Variants in NUDT3 observed in about 807,000 individuals in gnomAD.
The protein encoded by NUDT3 is diphosphoinositol polyphosphate phosphohydrolase 1.
NUDT3 carries 9 observed loss-of-function variants against 23.6 expected under a neutral mutation model. The observed-to-expected ratio is 0.38, with a 90% CI of 0.23 to 0.66. The LOEUF is 0.66. Among genes scored for constraint, NUDT3 ranks in the 30% least tolerant of loss-of-function variants. The pLI is 0.52. For synonymous variants in NUDT3, 86 were observed against 82.6 expected (o/e 1.04, Z -0.22); for missense variants, 172 against 218.5 (o/e 0.79, Z 1.34).
At chr6:34,336,090 G>A in intron 2 of NUDT3, among the ~76,000 whole-genome samples, 1 of 152,150 alleles carries the variant, frequency 6.6e-6, no homozygotes, top group Admixed American at 6.5e-5. Context: ...CCAACATGAT[G>A]AAACCCCGTC....
At chr6:34,288,962 C>A in intron 4 of NUDT3, 31 bp from the exon 5 acceptor site, 1 of 1,568,132 alleles carries the variant, frequency 6.4e-7, no homozygotes, top group Non-Finnish European at 8.6e-7. Flanking sequence ...GAAACTAGTA[C>A]AAGAGTAATA....
intron 2 of NUDT3, among the ~76,000 whole-genome samples, chr6:34,297,895 CAAGAA>C (rs1763539806): frequency 6.7e-6 from 1 of 149,212 alleles, no homozygotes; most frequent in Non-Finnish European, 1.5e-5. Flanking sequence ...GCACCCGGCC[CAAGAA>C]AAGATTTAAG....
At chr6:34,337,779 A>T (rs1764230823) in intron 2 of NUDT3, among the ~76,000 whole-genome samples, 1 of 152,030 alleles carries the variant, frequency 6.6e-6, no homozygotes, top group Non-Finnish European at 1.5e-5. Flanking sequence ...TCCAACCACA[A>T]CTCCCAAAAC....
At chr6:34,329,823 T>C (rs1319226830) in intron 2 of NUDT3, among the ~76,000 whole-genome samples, 2 of 152,088 alleles carry the variant, frequency 1.3e-5, no homozygotes, top group East Asian at 1.9e-4. Context: ...TGGCAGGCCC[T>C]GGTGTGTGAT....
At chr6:34,345,951 T>A (rs1561913486) in intron 1 of NUDT3, among the ~76,000 whole-genome samples, 1 of 151,690 alleles carries the variant, frequency 6.6e-6, no homozygotes, top group Non-Finnish European at 1.5e-5. Context: ...GTATTTTTAG[T>A]AGAGATGGGG....
chr6:34,355,988 A>G (rs1437311087), intron 1 of NUDT3, among the ~76,000 whole-genome samples: 1 of 152,004 alleles, frequency 6.6e-6, no homozygotes, highest in Admixed American at 6.6e-5. Flanking sequence ...TAAACATAAG[A>G]CCCTGTTTAG....
chr6:34,371,035 C>T lies in NUDT3; in HGVS notation c.99+21229G>A, dbSNP rs206923. Among the ~76,000 whole-genome samples, 332 of 151,652 alleles carry T rather than the reference C, an allele frequency of 2.2e-3. 1 individual carries two copies. The highest frequency in any genetic ancestry group is 7.6e-3 in the African/African-American group (313 of 41,324). ...CTAAGGCAGGAGAATCGCTTGAACCCGGGAGGCAGAGGTTGCAGTGAACCG... is the reference window on the plus strand; with the variant it reads ...CTAAGGCAGGAGAATCGCTTGAACCTGGGAGGCAGAGGTTGCAGTGAACCG... On this transcript the variant is annotated intron_variant, in intron 1 of 4. Coordinates refer to ENST00000607016, the MANE Select transcript of NUDT3 (RefSeq NM_006703.4).
At chr6:34,391,305 T>TTA (rs1158310150) in intron 1 of NUDT3, among the ~76,000 whole-genome samples, 2 of 152,226 alleles carry the variant, frequency 1.3e-5, no homozygotes, top group Non-Finnish European at 2.9e-5. Context: ...GTTTCCAGTT[T>TTA]AACTGCCATT....
chr6:34,295,591 G>C lies in NUDT3; in HGVS notation c.255+50C>G, dbSNP rs760767920. 5 of 1,571,972 alleles carry C rather than the reference G, an allele frequency of 3.2e-6. No homozygotes were observed. In the African/African-American group the frequency reaches 6.8e-5, roughly 21 times the overall value. On this transcript the variant is annotated intron_variant, in intron 3 of 4. Coordinates refer to ENST00000607016, the MANE Select transcript of NUDT3 (RefSeq NM_006703.4). ...TGGCATTTTTCCTATGTTAATATCT[G>C]TGTGGTTATTAATACATATCATTTG...
At chr6:34,329,541 A>G (rs1050821697) in intron 2 of NUDT3, among the ~76,000 whole-genome samples, 9 of 152,166 alleles carry the variant, frequency 5.9e-5, no homozygotes, top group African/African-American at 1.9e-4. Flanking sequence ...TTGGCCTCCC[A>G]AAGTGCTGAG....
intron 1 of NUDT3, among the ~76,000 whole-genome samples, chr6:34,345,649 C>T (rs1483429669): frequency 3.8e-5 from 5 of 132,436 alleles, no homozygotes; most frequent in Admixed American, 8.9e-5. Flanking sequence ...GGCGACAGAG[C>T]GAGACTCCGT....
At chr6:34,351,026 G>A (rs904093082) in intron 1 of NUDT3, among the ~76,000 whole-genome samples, 1 of 148,646 alleles carries the variant, frequency 6.7e-6, no homozygotes, top group Non-Finnish European at 1.5e-5. Flanking sequence ...TTTGGGATGC[G>A]CACTGACAGA....
intron 2 of NUDT3, among the ~76,000 whole-genome samples, chr6:34,320,670 C>T (rs530717277): frequency 6.6e-6 from 1 of 152,118 alleles, no homozygotes; most frequent in Non-Finnish European, 1.5e-5. Flanking sequence ...CCCATTTCTA[C>T]AAAAAATACA....
Position 34,304,596 on chromosome 6 carries a change from T to C in NUDT3, c.211-8911A>G, listed in dbSNP as rs147361362. Among the ~76,000 whole-genome samples, 398 of 152,202 alleles carry C rather than the reference T, an allele frequency of 2.6e-3. 1 individual carries two copies. Among genetic ancestry groups the C allele is most frequent in the Middle Eastern group, 0.02 (6 of 294 alleles). On this transcript the variant is annotated intron_variant, in intron 2 of 4. Transcript: ENST00000607016. ...TGGTATTTTTTGGCAGGAAGGAAGGTGATTACTACTTAATTTAAGGACTAA... is the reference window on the plus strand; with the variant it reads ...TGGTATTTTTTGGCAGGAAGGAAGGCGATTACTACTTAATTTAAGGACTAA...
At chr6:34,391,231 G>A (rs1348288150) in intron 1 of NUDT3, among the ~76,000 whole-genome samples, 1 of 152,100 alleles carries the variant, frequency 6.6e-6, no homozygotes, top group Non-Finnish European at 1.5e-5. Context: ...ACTGTACTGC[G>A]GCCCTGCCAC....
chr6:34,306,492 G>A (rs1394532248), intron 2 of NUDT3, among the ~76,000 whole-genome samples: 1 of 152,244 alleles, frequency 6.6e-6, no homozygotes, highest in Non-Finnish European at 1.5e-5. Flanking sequence ...TCAATGGAAA[G>A]TAAGCTGTGG....
chr6:34,337,358 G>A (rs557743241), intron 2 of NUDT3, among the ~76,000 whole-genome samples: 199 of 152,180 alleles, frequency 1.3e-3, no homozygotes, highest in Non-Finnish European at 2.1e-3. Flanking sequence ...CTTTATTCCA[G>A]TATTATTAAG....
At chr6:34,387,562 T>C (rs1198127342) in intron 1 of NUDT3, among the ~76,000 whole-genome samples, 1 of 151,618 alleles carries the variant, frequency 6.6e-6, no homozygotes, top group Non-Finnish European at 1.5e-5. Context: ...TAGCCAGGCA[T>C]GGCGGCATAC....
intron 2 of NUDT3, among the ~76,000 whole-genome samples, chr6:34,312,681 T>C (rs1255431676): frequency 6.6e-6 from 1 of 152,218 alleles, no homozygotes; most frequent in African/African-American, 2.4e-5. Context: ...CATTTATTTA[T>C]ATGTCTCTTA....
Sources: gnomAD v4.1 joint callset for allele counts (sites outside exome capture counted in the v4.1 genomes callset) on GRCh38, gnomAD v4.1.1 for gene constraint, MANE v1.5 for transcripts, NCBI Gene and HGNC (gene_info 2026-07-23, HGNC 2026-07-21) for gene names.